Variants in LRRTM4 observed in about 807,000 individuals in gnomAD.
LRRTM4 encodes leucine-rich repeat transmembrane neuronal protein 4.
Under a neutral mutation model 47.6 loss-of-function variants are expected in LRRTM4, and 25 were observed. The observed-to-expected ratio is 0.53, with a 90% CI of 0.38 to 0.73. The LOEUF (loss-of-function observed/expected upper bound fraction) is 0.73, where lower values mean the gene tolerates loss of function less well. LRRTM4 is among the 30% of genes least tolerant of loss of function. The probability of loss-of-function intolerance (pLI) is 0.00; values close to 1 mark genes in which losing one functional copy is unlikely to be tolerated. For missense variants in LRRTM4, 638 were observed against 713.4 expected (o/e 0.89, Z 1.20); for synonymous variants, 311 against 269.5 (o/e 1.15, Z -1.51).
chr2:76,889,891 C>T (rs1433565833), intron 3 of LRRTM4, among the ~76,000 whole-genome samples: 2 of 151,746 alleles, frequency 1.3e-5, no homozygotes, highest in Non-Finnish European at 2.9e-5. Context: ...AGCAAGCAAT[C>T]AAGAATTGCA....
At chr2:77,000,162 G>C (rs1413240338) in intron 3 of LRRTM4, among the ~76,000 whole-genome samples, 1 of 111,194 alleles carries the variant, frequency 9.0e-6, no homozygotes, top group Non-Finnish European at 1.8e-5. Context: ...TATGTCCGTA[G>C]ATGGAAAGCA....
chr2:77,343,714 A>G (rs1376016494), intron 3 of LRRTM4, among the ~76,000 whole-genome samples: 2 of 152,062 alleles, frequency 1.3e-5, no homozygotes, highest in East Asian at 3.9e-4. Flanking sequence ...TACTGTTGTG[A>G]AAAGCTGATA....
chr2:76,876,554 T>G (rs946317634), intron 3 of LRRTM4, among the ~76,000 whole-genome samples: 2 of 152,096 alleles, frequency 1.3e-5, no homozygotes, highest in African/African-American at 4.8e-5. Context: ...AATTAACATA[T>G]GATGTCTACG....
chr2:77,035,928 T>C (rs1226491074), intron 3 of LRRTM4, among the ~76,000 whole-genome samples: 1 of 151,884 alleles, frequency 6.6e-6, no homozygotes, highest in African/African-American at 2.4e-5. Context: ...AGCAGCCTAA[T>C]GGTTTTCAGA....
intron 3 of LRRTM4, among the ~76,000 whole-genome samples, chr2:76,956,810 A>C (rs930266329): frequency 6.6e-6 from 1 of 151,506 alleles, no homozygotes; most frequent in African/African-American, 2.4e-5. Flanking sequence ...ATTACTATGA[A>C]AAATTTTGTG....
chr2:77,076,184 G>T (rs1048251246), intron 3 of LRRTM4, among the ~76,000 whole-genome samples: 21 of 152,068 alleles, frequency 1.4e-4, no homozygotes, highest in Non-Finnish European at 3.1e-4. Context: ...AACATAAATG[G>T]CTTGTCACCA....
chr2:76,879,881 G>C (rs1270815917), intron 3 of LRRTM4, among the ~76,000 whole-genome samples: 1 of 152,180 alleles, frequency 6.6e-6, no homozygotes, highest in East Asian at 1.9e-4. Context: ...ACTTTGAGGG[G>C]TTCATCATTT....
intron 3 of LRRTM4, among the ~76,000 whole-genome samples, chr2:77,482,221 T>A (rs566988739): frequency 3.3e-5 from 5 of 152,208 alleles, no homozygotes; most frequent in Admixed American, 3.3e-4. Flanking sequence ...TTTTTTCCAA[T>A]ATGATTTTGC....
intron 3 of LRRTM4, among the ~76,000 whole-genome samples, chr2:77,469,356 G>T (rs1677099348): frequency 6.6e-6 from 1 of 152,272 alleles, no homozygotes; most frequent in African/African-American, 2.4e-5. Context: ...CCATTTGATG[G>T]AGAAAGAGAG....
intron 3 of LRRTM4, among the ~76,000 whole-genome samples, chr2:77,161,162 T>C (rs1672718329): frequency 6.6e-6 from 1 of 152,102 alleles, no homozygotes. Flanking sequence ...TTTTTTCCCA[T>C]CTTGCTTGCC....
Position 76,777,435 on chromosome 2 carries a change from G to T in LRRTM4, c.1552-28519C>A, listed in dbSNP as rs372313815. ...TTGTTTGTATCCTCTTTTATTTCCT[G>T]GAGCAGTGGTTTGTAGTTCTCCTTG... On this transcript the variant is annotated intron_variant, in intron 3 of 3. Coordinates refer to ENST00000409884, the MANE Select transcript of LRRTM4 (RefSeq NM_001134745.3). Among the ~76,000 whole-genome samples, 898 of 142,736 alleles carry T rather than the reference G, an allele frequency of 6.3e-3. 8 individuals carry two copies. Among genetic ancestry groups the T allele is most frequent in the African/African-American group, 0.019 (716 of 36,762 alleles). 93.6% of individuals were successfully genotyped at this position (142,736 alleles called of 152,430 possible). A position where few individuals can be genotyped will look rare whatever the true frequency, so the allele number is the denominator to read the frequency against.
chr2:77,067,682 T>C, intron 3 of LRRTM4, among the ~76,000 whole-genome samples: 1 of 105,478 alleles, frequency 9.5e-6, no homozygotes, highest in South Asian at 3.4e-4. Context: ...TTTTCAAAGA[T>C]ACGTACACAC....
At chr2:76,938,372 T>C (rs1341114141) in intron 3 of LRRTM4, among the ~76,000 whole-genome samples, 1 of 149,044 alleles carries the variant, frequency 6.7e-6, no homozygotes, top group African/African-American at 2.4e-5. Flanking sequence ...ATTTTCATTT[T>C]GAAGACAAAA....
At chr2:76,889,393 A>AT (rs1673179464) in intron 3 of LRRTM4, among the ~76,000 whole-genome samples, 1 of 152,000 alleles carries the variant, frequency 6.6e-6, no homozygotes, top group African/African-American at 2.4e-5. Context: ...AAGAAAACAA[A>AT]TGAGAAGAGT....
chr2:77,324,610 C>T (rs187631447), intron 3 of LRRTM4, among the ~76,000 whole-genome samples: 1 of 152,214 alleles, frequency 6.6e-6, no homozygotes, highest in African/African-American at 2.4e-5. Flanking sequence ...TTAACATCTT[C>T]TTGTAGTTAT....
intron 3 of LRRTM4, among the ~76,000 whole-genome samples, chr2:77,264,163 G>A (rs756233032): frequency 6.6e-6 from 1 of 152,070 alleles, no homozygotes; most frequent in African/African-American, 2.4e-5. Flanking sequence ...CAACAGAAAG[G>A]TAATTTCTCT....
intron 3 of LRRTM4, among the ~76,000 whole-genome samples, chr2:77,278,336 C>G (rs913137484): frequency 2.0e-5 from 3 of 151,906 alleles, no homozygotes; most frequent in East Asian, 3.9e-4. Flanking sequence ...AGATTAAAAA[C>G]CAATTGTTAA....
At chr2:76,880,774 G>A (rs938116368) in intron 3 of LRRTM4, among the ~76,000 whole-genome samples, 2 of 152,214 alleles carry the variant, frequency 1.3e-5, no homozygotes, top group South Asian at 2.1e-4. Context: ...TTCAGAGTGG[G>A]CAAACACAGT....
At chr2:77,116,865 A>G (rs981032309) in intron 3 of LRRTM4, among the ~76,000 whole-genome samples, 2 of 152,134 alleles carry the variant, frequency 1.3e-5, no homozygotes, top group African/African-American at 4.8e-5. Flanking sequence ...ATGTTGTAGT[A>G]AATTTACCAA....
Sources: allele counts gnomAD v4.1 joint callset (sites outside exome capture counted in the v4.1 genomes callset), GRCh38; gene constraint gnomAD v4.1.1; transcripts MANE v1.5; gene names NCBI Gene and HGNC (gene_info 2026-07-23, HGNC 2026-07-21).